Variants in RSRC1 observed in about 807,000 individuals in gnomAD.
The protein encoded by RSRC1 is arginine and serine rich coiled-coil 1, also known as serine/Arginine-related protein 53.
Under a neutral mutation model 49.1 loss-of-function variants are expected in RSRC1, and 39 were observed. That is an observed-to-expected ratio of 0.79 (90% confidence interval 0.61 to 1.04). The LOEUF is 1.04. RSRC1 is among the 50% of genes least tolerant of loss of function. The pLI, the probability that RSRC1 is intolerant of heterozygous loss-of-function variation, is 0.00. For missense variants in RSRC1, 388 were observed against 402.4 expected, an observed-to-expected ratio of 0.96 and a Z score of 0.31; for synonymous variants, 143 against 130.8, an observed-to-expected ratio of 1.09 and a Z score of -0.63.
chr3:158,165,360 G>C (rs928293501), intron 3 of RSRC1, among the ~76,000 whole-genome samples: 1 of 152,144 alleles, frequency 6.6e-6, no homozygotes, highest in African/African-American at 2.4e-5. Flanking sequence ...ATATGAGATC[G>C]TTAATAAGCA....
intron 6 of RSRC1, among the ~76,000 whole-genome samples, chr3:158,417,406 C>T (rs1420180161): frequency 6.6e-6 from 1 of 151,988 alleles, no homozygotes; most frequent in Non-Finnish European, 1.5e-5. Context: ...TTCCTTTCCT[C>T]TCCTGTAGCT....
intron 7 of RSRC1, among the ~76,000 whole-genome samples, chr3:158,514,774 G>C (rs1170753331): frequency 6.6e-6 from 1 of 152,032 alleles, no homozygotes; most frequent in Non-Finnish European, 1.5e-5. Flanking sequence ...AGGTCACTCA[G>C]GACTTGCTTT....
chr3:158,529,214 G>GTATATATA (rs10596761), intron 7 of RSRC1, among the ~76,000 whole-genome samples: 8 of 143,144 alleles, frequency 5.6e-5, no homozygotes, highest in African/African-American at 1.3e-4. Flanking sequence ...ATGTGTGTGT[G>GTATATATA]TATATATATA....
intron 3 of RSRC1, among the ~76,000 whole-genome samples, chr3:158,197,094 A>G (rs911338441): frequency 4.6e-5 from 7 of 152,036 alleles, no homozygotes; most frequent in Non-Finnish European, 1.0e-4. Context: ...TCCTCCTTGT[A>G]CCTCTGGTAG....
intron 3 of RSRC1, among the ~76,000 whole-genome samples, chr3:158,140,418 C>CT (rs1413749077): frequency 2.0e-5 from 3 of 152,204 alleles, no homozygotes; most frequent in South Asian, 2.1e-4. Context: ...ATGCACTCTG[C>CT]TAATGGCCAC....
At chr3:158,348,685 ATATTGGACAT>A (rs1378689218) in intron 5 of RSRC1, among the ~76,000 whole-genome samples, 2 of 151,996 alleles carry the variant, frequency 1.3e-5, no homozygotes, top group Non-Finnish European at 2.9e-5. Context: ...CATGATCCAC[ATATTGGACAT>A]TGTACTCAGT....
intron 7 of RSRC1, among the ~76,000 whole-genome samples, chr3:158,510,245 TTC>T (rs1227772832): frequency 3.3e-5 from 5 of 152,220 alleles, no homozygotes; most frequent in Non-Finnish European, 7.4e-5. Flanking sequence ...GTCATTGGTA[TTC>T]CTTTATCTGT....
intron 6 of RSRC1, among the ~76,000 whole-genome samples, chr3:158,415,503 A>G (rs1734694817): frequency 6.6e-6 from 1 of 151,966 alleles, no homozygotes; most frequent in South Asian, 2.1e-4. Flanking sequence ...AATTACTCAA[A>G]TTCTCGGTGC....
intron 3 of RSRC1, among the ~76,000 whole-genome samples, chr3:158,147,687 A>G (rs1392565268): frequency 1.3e-5 from 2 of 152,210 alleles, no homozygotes; most frequent in African/African-American, 4.8e-5. Flanking sequence ...TATTTCCTGA[A>G]TGGTATCCCA....
At chr3:158,118,850 T>C (rs572818260) in intron 1 of RSRC1, among the ~76,000 whole-genome samples, 71 of 152,322 alleles carry the variant, frequency 4.7e-4, no homozygotes, top group Admixed American at 2.2e-3. Context: ...CCTGCCCTTT[T>C]TGGGGGGAAC....
chr3:158,450,007 C>G (rs1462848709), intron 6 of RSRC1, among the ~76,000 whole-genome samples: 1 of 151,980 alleles, frequency 6.6e-6, no homozygotes, highest in East Asian at 1.9e-4. Flanking sequence ...ATCATCCCCT[C>G]CTAGATGTCT....
rs59953349 is a variant in RSRC1 at position 158,430,076 on chromosome 3, AAAAAT to A, written c.584-30831_584-30827del. ...TAATCATAAAAACCACACACACAAA[AAAAAT>A]AAAATAAAATAAAATAAAATAAAAT... On this transcript the variant is annotated intron_variant, in intron 6 of 9. Transcript: ENST00000611884. Among the ~76,000 whole-genome samples the A allele has an allele frequency of 1.2e-3, 178 of 149,672 alleles. 1 individual carries two copies. Among genetic ancestry groups the A allele is most frequent in the African/African-American group, 2.8e-3 (114 of 40,506 alleles).
intron 7 of RSRC1, among the ~76,000 whole-genome samples, chr3:158,499,421 G>A (rs1739494795): frequency 6.6e-6 from 1 of 151,882 alleles, no homozygotes; most frequent in African/African-American, 2.4e-5. Context: ...TGTGAAGAAT[G>A]ATGGTGGTAT....
intron 4 of RSRC1, among the ~76,000 whole-genome samples, chr3:158,293,362 T>G (rs1727052721): frequency 6.6e-6 from 1 of 152,156 alleles, no homozygotes. Flanking sequence ...CATTAAAGCA[T>G]TAAACTTGCT....
At chr3:158,324,652 T>A (rs1728969042) in intron 5 of RSRC1, among the ~76,000 whole-genome samples, 1 of 152,216 alleles carries the variant, frequency 6.6e-6, no homozygotes. Context: ...TTTGGGTTGG[T>A]TCCAAGTCTT....
At chr3:158,281,251 T>A (rs1186802110) in intron 4 of RSRC1, among the ~76,000 whole-genome samples, 1 of 151,970 alleles carries the variant, frequency 6.6e-6, no homozygotes, top group South Asian at 2.1e-4. Context: ...GATCCTTTTC[T>A]GAAATAGGAA....
At chr3:158,261,675 A>C (rs1211698009) in intron 4 of RSRC1, among the ~76,000 whole-genome samples, 1 of 152,172 alleles carries the variant, frequency 6.6e-6, no homozygotes, top group Non-Finnish European at 1.5e-5. Context: ...GATCAGCAGC[A>C]GTATTAGATT....
intron 3 of RSRC1, among the ~76,000 whole-genome samples, chr3:158,177,648 T>C (rs1055356677): frequency 1.6e-4 from 24 of 148,644 alleles, no homozygotes; most frequent in Admixed American, 6.7e-4. Context: ...TGTCAGAGTG[T>C]GGGGGGCTGG....
At chr3:158,293,079 TAAAGA>T (rs1375749000) in intron 4 of RSRC1, among the ~76,000 whole-genome samples, 2 of 152,108 alleles carry the variant, frequency 1.3e-5, no homozygotes, top group East Asian at 1.9e-4. Context: ...AAAGTAAAAG[TAAAGA>T]AAACTGATTT....
Sources: gnomAD v4.1 joint callset for allele counts (sites outside exome capture counted in the v4.1 genomes callset) on GRCh38, gnomAD v4.1.1 for gene constraint, MANE v1.5 for transcripts, NCBI Gene and HGNC (gene_info 2026-07-23, HGNC 2026-07-21) for gene names.